CNTN5: variants seen among roughly 807,000 people sequenced by gnomAD.
The protein encoded by CNTN5 is contactin 5, also known as contactin-5.
Under a neutral mutation model 129.1 loss-of-function variants are expected in CNTN5, and 77 were observed. That is an observed-to-expected ratio of 0.60 (90% CI 0.50 to 0.72). The LOEUF (loss-of-function observed/expected upper bound fraction) is 0.72, where lower values mean the gene tolerates loss of function less well. Ranked by LOEUF, CNTN5 falls within the 30% of genes least tolerant of loss-of-function variation. The pLI is 0.00. For synonymous variants in CNTN5, 509 were observed against 465.6 expected (o/e 1.09, Z -1.20); for missense variants, 1,478 against 1,328.8 (o/e 1.11, Z -1.75).
chr11:100,074,347 A>G, intron 13 of CNTN5, 53 bp downstream of exon 13: 1 of 1,417,900 alleles, frequency 7.1e-7, no homozygotes, highest in South Asian at 1.3e-5. Context: ...TTGAGGTTAC[A>G]GGTGACACAC....
At chr11:99,380,768 C>CAAAAAAAAAAAAAAA (rs769229566) in intron 2 of CNTN5, among the ~76,000 whole-genome samples, 13 of 102,400 alleles carry the variant, frequency 1.3e-4, no homozygotes, top group Middle Eastern at 5.6e-3. Context: ...AACTCTATCT[C>CAAAAAAAAAAAAAAA]AAAAAAAAAA....
At chr11:99,403,859 C>G (rs1403332047) in intron 2 of CNTN5, among the ~76,000 whole-genome samples, 2 of 152,026 alleles carry the variant, frequency 1.3e-5, no homozygotes, top group Admixed American at 6.6e-5. Context: ...TTATAAGTAT[C>G]TATTATGTCC....
rs577108035 is a variant in CNTN5, at chr11:99,044,539, A to C, written c.-210+23269A>C. Among the ~76,000 whole-genome samples, 3 of 152,282 alleles carry C rather than the reference A, an allele frequency of 2.0e-5. No individual in the cohort carries two copies. The East Asian group carries it at 5.8e-4, about 29-fold the overall frequency. ...ACTCCAACCTACAAGTATACACAGC[A>C]GTCCAGCCACAGAGATGGACCAAGT... On this transcript the variant is annotated intron_variant, in intron 1 of 24. Transcript: ENST00000524871.
At chr11:100,052,143 T>C (rs971936048) in intron 9 of CNTN5, among the ~76,000 whole-genome samples, 2 of 151,900 alleles carry the variant, frequency 1.3e-5, no homozygotes, top group Non-Finnish European at 2.9e-5. Context: ...TTACATCATC[T>C]TAGTAAATAC....
At chr11:99,379,151 T>G (rs1940366128) in intron 2 of CNTN5, among the ~76,000 whole-genome samples, 1 of 147,602 alleles carries the variant, frequency 6.8e-6, no homozygotes. Context: ...ACCAGCAAGT[T>G]ACTTTCCTAA....
intron 2 of CNTN5, among the ~76,000 whole-genome samples, chr11:99,507,735 T>C (rs115045782): frequency 0.023 from 3,575 of 152,298 alleles, 154 homozygotes; most frequent in African/African-American, 0.081. Flanking sequence ...TGACTCAACT[T>C]TTCACGTGCC....
chr11:99,608,966 A>G (rs1950515806), intron 3 of CNTN5, among the ~76,000 whole-genome samples: 1 of 152,126 alleles, frequency 6.6e-6, no homozygotes, highest in African/African-American at 2.4e-5. Flanking sequence ...TTCAACACTT[A>G]TTCTCCTTTC....
intron 1 of CNTN5, among the ~76,000 whole-genome samples, chr11:99,037,930 GT>G (rs1863823895): frequency 6.6e-6 from 1 of 152,026 alleles, no homozygotes; most frequent in South Asian, 2.1e-4. Flanking sequence ...ATAAGAAAGT[GT>G]TTTGATAATT....
At chr11:100,182,278 G>C (rs1489151619) in intron 13 of CNTN5, among the ~76,000 whole-genome samples, 1 of 152,016 alleles carries the variant, frequency 6.6e-6, no homozygotes, top group African/African-American at 2.4e-5. Context: ...CATAGTTCTG[G>C]AGGCTGTGAA....
At chr11:99,349,409 C>T (rs2136077880) in intron 2 of CNTN5, among the ~76,000 whole-genome samples, 1 of 152,270 alleles carries the variant, frequency 6.6e-6, no homozygotes, top group East Asian at 1.9e-4. Context: ...TGTTCAGCTC[C>T]ATGGCATTTA....
At chr11:99,446,162 C>T (rs371760199) in intron 2 of CNTN5, among the ~76,000 whole-genome samples, 18 of 150,818 alleles carry the variant, frequency 1.2e-4, no homozygotes, top group African/African-American at 4.4e-4. Context: ...ACTGTGGCTG[C>T]ATCTTATCTT....
In CNTN5 at chr11:99,297,497, G is replaced by T. The variant is rs376586475; in HGVS notation, c.-209-27849G>T. Among the ~76,000 whole-genome samples the T allele has an allele frequency of 3.0e-3, 453 of 152,228 alleles. 1 individual carries two copies. The highest frequency in any genetic ancestry group is 6.8e-3 in the Middle Eastern group (2 of 294). ...ATGCTGTAGTGCCAAACCCATTCTT[G>T]GCCAAGAGGGACTTTTACCAAGAGC... On this transcript the variant is annotated intron_variant, in intron 1 of 24. Transcript: ENST00000524871.
chr11:99,663,403 G>A (rs946611980), intron 3 of CNTN5, among the ~76,000 whole-genome samples: 2 of 152,332 alleles, frequency 1.3e-5, no homozygotes, highest in Admixed American at 6.5e-5. Context: ...GGGAGACAGA[G>A]GTTGTAGTGG....
At chr11:99,791,195 G>C (rs1055672261) in intron 3 of CNTN5, among the ~76,000 whole-genome samples, 1 of 151,738 alleles carries the variant, frequency 6.6e-6, no homozygotes, top group Non-Finnish European at 1.5e-5. Context: ...GATTTTGGGG[G>C]TCTTAGTCAT....
chr11:99,577,823 TTTA>T (rs10677986), intron 3 of CNTN5, among the ~76,000 whole-genome samples: 9,478 of 147,988 alleles, frequency 0.064, 358 homozygotes, highest in Non-Finnish European at 0.075. Context: ...AAGATTTTCT[TTTA>T]TTATTATTAT....
chr11:99,477,180 T>C (rs1332758483), intron 2 of CNTN5, among the ~76,000 whole-genome samples: 4 of 151,982 alleles, frequency 2.6e-5, no homozygotes, highest in Non-Finnish European at 5.9e-5. Context: ...AAGCATACAG[T>C]TTTAATATTT....
intron 2 of CNTN5, among the ~76,000 whole-genome samples, chr11:99,495,094 G>A (rs776817090): frequency 3.9e-5 from 6 of 152,110 alleles, no homozygotes; most frequent in Non-Finnish European, 5.9e-5. Flanking sequence ...CCCCTGCTGG[G>A]CGTGGTGGCT....
intron 3 of CNTN5, among the ~76,000 whole-genome samples, chr11:99,583,878 C>G (rs2135633280): frequency 6.6e-6 from 1 of 152,212 alleles, no homozygotes; most frequent in South Asian, 2.1e-4. Flanking sequence ...CTCGGTACCT[C>G]AGTTGGAAAT....
At chr11:99,085,049 A>ATTT (rs201796837) in intron 1 of CNTN5, among the ~76,000 whole-genome samples, 4 of 146,966 alleles carry the variant, frequency 2.7e-5, no homozygotes, top group African/African-American at 9.9e-5. Flanking sequence ...CTAGTAACCA[A>ATTT]TTTTTTTTTT....
Sources: gnomAD v4.1 joint callset for allele counts (sites outside exome capture counted in the v4.1 genomes callset) on GRCh38, gnomAD v4.1.1 for gene constraint, MANE v1.5 for transcripts, NCBI Gene and HGNC (gene_info 2026-07-23, HGNC 2026-07-21) for gene names.